CCDC158: variants seen among roughly 807,000 people sequenced by gnomAD.
CCDC158 encodes the protein coiled-coil domain containing 158.
Under a neutral mutation model 138.6 loss-of-function variants are expected in CCDC158, and 116 were observed. That is an observed-to-expected ratio of 0.84 (90% CI 0.72 to 0.98). The LOEUF (loss-of-function observed/expected upper bound fraction) is 0.98. Among genes scored for constraint, CCDC158 ranks in the 50% least tolerant of loss-of-function variants. The pLI, the probability that CCDC158 is intolerant of heterozygous loss-of-function variation, is 0.00. For synonymous variants in CCDC158, 436 were observed against 442.4 expected (o/e 0.99, Z 0.18); for missense variants, 1,265 against 1,306.1 (o/e 0.97, Z 0.48).
rs1201656587 is a variant in CCDC158, at chr4:76,369,421, C to A, written c.1347+5G>T. ...GGCGATGGCACAGCCTGTGCAGGCA[C>A]TGACCTGCCGCTCCATCTGGCCCTG... On this transcript the variant is annotated splice_donor_5th_base_variant and intron_variant, in intron 11 of 24. Coordinates refer to ENST00000682701, the MANE Select transcript of CCDC158 (RefSeq NM_001394954.1). The A allele has an allele frequency of 6.2e-7, 1 of 1,613,714 alleles. No homozygotes were observed. Among genetic ancestry groups the A allele is most frequent in the East Asian group, 2.2e-5 (1 of 44,892 alleles).
intron 9 of CCDC158, among the ~76,000 whole-genome samples, chr4:76,374,112 T>G (rs1318826282): frequency 2.0e-5 from 3 of 152,070 alleles, no homozygotes; most frequent in Non-Finnish European, 4.4e-5. Flanking sequence ...GTCATGTTCG[T>G]GCCACTGCAC....
intron 4 of CCDC158, among the ~76,000 whole-genome samples, chr4:76,391,357 A>G (rs1303548858): frequency 1.3e-5 from 2 of 152,098 alleles, no homozygotes; most frequent in Non-Finnish European, 2.9e-5. Flanking sequence ...ATAAAACTAC[A>G]AATCAATAAC....
In CCDC158 at chr4:76,366,138, T is replaced by C. The variant is rs1578985990; in HGVS notation, c.1830+1156A>G. Among the ~76,000 whole-genome samples, 4 of 152,270 alleles carry C rather than the reference T, an allele frequency of 2.6e-5. No individual in the cohort carries two copies. The East Asian group carries it at 7.7e-4, about 29-fold the overall frequency. On this transcript the variant is annotated intron_variant, in intron 12 of 24. Transcript: ENST00000682701. ...CCTAAGCAAGGTAGAACAACCATCC[T>C]TTCTCCTCTGATATGCTCTGCCCTG...
intron 12 of CCDC158, among the ~76,000 whole-genome samples, chr4:76,363,983 T>A (rs1321796163): frequency 6.6e-6 from 1 of 152,086 alleles, no homozygotes; most frequent in Non-Finnish European, 1.5e-5. Flanking sequence ...AAGTATCTGG[T>A]CCTTTGACTA....
At chr4:76,409,395 C>T (rs1729107651) in intron 2 of CCDC158, among the ~76,000 whole-genome samples, 2 of 151,938 alleles carry the variant, frequency 1.3e-5, no homozygotes, top group African/African-American at 4.8e-5. Flanking sequence ...CATGAACTTA[C>T]ATGTGTTTAT....
rs1720920328 is a variant in CCDC158, at chr4:76,330,578, T to A, written c.2942+766A>T. On this transcript the variant is annotated intron_variant, in intron 21 of 24. Coordinates refer to ENST00000682701, the MANE Select transcript of CCDC158 (RefSeq NM_001394954.1). ...CTGCAATCACAGATTCAACCAAATG[T>A]GAATTGAAAATACTTGGGGAAAAAA... Among the ~76,000 whole-genome samples, 3 of 152,166 alleles carry A rather than the reference T, an allele frequency of 2.0e-5. No individual in the cohort carries two copies. The South Asian group carries it at 6.2e-4, about 31-fold the overall frequency.
chr4:76,405,099 C>A (rs984376061), intron 2 of CCDC158, among the ~76,000 whole-genome samples: 1 of 152,020 alleles, frequency 6.6e-6, no homozygotes, highest in Non-Finnish European at 1.5e-5. Context: ...ACTAGTAATA[C>A]AATATTAAGA....
At chr4:76,368,032 T>C (rs1724867495) in intron 11 of CCDC158, among the ~76,000 whole-genome samples, 2 of 152,030 alleles carry the variant, frequency 1.3e-5, no homozygotes, top group Non-Finnish European at 2.9e-5. Flanking sequence ...TACCCAGCCA[T>C]GTCTAGTTAA....
intron 18 of CCDC158, chr4:76,345,471 C>T (rs1156494531): frequency 1.1e-6 from 1 of 936,642 alleles, no homozygotes; most frequent in Non-Finnish European, 1.8e-6. Context: ...AAATTTCAAA[C>T]CGAAGAGAGT....
At chr4:76,323,018 A>G (rs897244646) in intron 24 of CCDC158, among the ~76,000 whole-genome samples, 1 of 152,184 alleles carries the variant, frequency 6.6e-6, no homozygotes, top group African/African-American at 2.4e-5. Context: ...GGAAAGTCCC[A>G]TGTGACAAGC....
chr4:76,361,123 T>C (rs573184965), intron 13 of CCDC158, among the ~76,000 whole-genome samples: 69 of 152,222 alleles, frequency 4.5e-4, no homozygotes, highest in Non-Finnish European at 8.5e-4. Flanking sequence ...GTGCTCTCTC[T>C]CTGTCTCTCT....
chr4:76,377,634 C>A (rs1044068368), intron 9 of CCDC158, among the ~76,000 whole-genome samples: 5 of 152,276 alleles, frequency 3.3e-5, no homozygotes, highest in Non-Finnish European at 7.4e-5. Context: ...AAAAGCTTGT[C>A]CTGAGAAAAG....
intron 2 of CCDC158, among the ~76,000 whole-genome samples, chr4:76,409,435 A>C (rs1181443469): frequency 3.9e-5 from 6 of 152,156 alleles, no homozygotes; most frequent in Admixed American, 2.0e-4. Flanking sequence ...TACAGAGGTG[A>C]GATCTTGGCC....
intron 19 of CCDC158, among the ~76,000 whole-genome samples, chr4:76,332,973 T>C (rs116278376): frequency 1.3e-5 from 2 of 152,286 alleles, no homozygotes; most frequent in African/African-American, 4.8e-5. Flanking sequence ...TACAAATCTG[T>C]CAAATAAGTG....
intron 3 of CCDC158, among the ~76,000 whole-genome samples, chr4:76,400,556 T>TA (rs1019816240): frequency 4.1e-4 from 58 of 142,734 alleles, no homozygotes; most frequent in South Asian, 1.1e-3. Context: ...AGTATAATAG[T>TA]AAAAAAAAAA....
intron 24 of CCDC158, among the ~76,000 whole-genome samples, chr4:76,314,869 A>C (rs970666887): frequency 4.6e-5 from 7 of 152,042 alleles, no homozygotes; most frequent in Admixed American, 3.9e-4. Context: ...CTGGGCACAA[A>C]CTCTTTTGAG....
intron 24 of CCDC158, among the ~76,000 whole-genome samples, chr4:76,317,208 C>A (rs909609496): frequency 4.6e-5 from 7 of 152,056 alleles, no homozygotes; most frequent in African/African-American, 1.7e-4. Context: ...AAAAATCTAC[C>A]AACCAAGTAT....
At chr4:76,407,387 T>C (rs1202288367) in intron 2 of CCDC158, 1 of 152,052 alleles carries the variant, frequency 6.6e-6, no homozygotes, top group Non-Finnish European at 1.5e-5. Context: ...TCAAGATTGC[T>C]AGGCAATTTA....
At chr4:76,421,579 C>G (rs1344632047), upstream of CCDC158, among the ~76,000 whole-genome samples, 1 of 152,058 alleles carries the variant, frequency 6.6e-6, no homozygotes, top group Non-Finnish European at 1.5e-5. Context: ...AACTCACTGA[C>G]CCGCACCAGT....
Sources: gnomAD v4.1 joint callset for allele counts (sites outside exome capture counted in the v4.1 genomes callset) on GRCh38, gnomAD v4.1.1 for gene constraint, MANE v1.5 for transcripts, NCBI Gene and HGNC (gene_info 2026-07-23, HGNC 2026-07-21) for gene names.